RERE: variants seen among roughly 807,000 people sequenced by gnomAD.
RERE encodes arginine-glutamic acid dipeptide repeats, also known as arginine-glutamic acid dipeptide repeats protein.
A neutral mutation model predicts 146.1 loss-of-function variants in RERE; 40 were observed. The ratio of observed to expected loss-of-function variants is 0.27; its 90% CI spans 0.21 to 0.36. RERE has a LOEUF of 0.36. Among genes scored for constraint, RERE ranks in the 10% least tolerant of loss-of-function variants. RERE has a pLI of 1.00. For missense variants in RERE, 1,933 were observed against 2,138.7 expected (o/e 0.90, Z 1.90); for synonymous variants, 1,003 against 866.0 (o/e 1.16, Z -2.78).
In RERE at chr1:8,357,324, C is replaced by T. The variant is rs1641334042; in HGVS notation, c.4339+872G>A. 2.0e-5 allele frequency among the ~76,000 whole-genome samples: 3 copies of T among 152,266 alleles called. No homozygotes were observed. The East Asian group carries it at 5.8e-4, about 29-fold the overall frequency. On this transcript the variant is annotated intron_variant, in intron 20 of 22. Coordinates refer to ENST00000400908, the MANE Select transcript of RERE (RefSeq NM_001042681.2). Reference sequence around the variant, plus strand: ...AGGTCTACACCAGGTGCCAACAGAGCTTCAGATATGAGGACGGCAATGGTG... The same window carrying T: ...AGGTCTACACCAGGTGCCAACAGAGTTTCAGATATGAGGACGGCAATGGTG...
chr1:8,781,590 TG>T (rs1641166499), intron 1 of RERE, among the ~76,000 whole-genome samples: 1 of 151,674 alleles, frequency 6.6e-6, no homozygotes, highest in African/African-American at 2.4e-5. Flanking sequence ...TGAGTTACTT[TG>T]GGAAAGTTAT....
chr1:8,376,103 T>C (rs1004524056), intron 12 of RERE, among the ~76,000 whole-genome samples: 5 of 152,240 alleles, frequency 3.3e-5, no homozygotes, highest in African/African-American at 4.8e-5. Context: ...TAGACTCTGC[T>C]GTGCTGCTGC....
chr1:8,650,102 G>C (rs924383597), intron 2 of RERE, among the ~76,000 whole-genome samples: 1 of 152,120 alleles, frequency 6.6e-6, no homozygotes, highest in Non-Finnish European at 1.5e-5. Flanking sequence ...ATTATGCTGA[G>C]CTCCTAAGGA....
At chr1:8,503,139 G>A (rs2124277494) in intron 8 of RERE, among the ~76,000 whole-genome samples, 1 of 149,226 alleles carries the variant, frequency 6.7e-6, no homozygotes, top group African/African-American at 2.5e-5. Flanking sequence ...AAAAAGAATT[G>A]ATGAGTCAAC....
intron 7 of RERE, chr1:8,526,029 C>T (rs1044010719): frequency 2.7e-5 from 34 of 1,254,700 alleles, no homozygotes; most frequent in South Asian, 1.9e-4. Context: ...CTCTCCACGA[C>T]GCAATCAATC....
At chr1:8,754,645 G>A (rs1263855220) in intron 1 of RERE, among the ~76,000 whole-genome samples, 1 of 152,170 alleles carries the variant, frequency 6.6e-6, no homozygotes, top group African/African-American at 2.4e-5. Flanking sequence ...CATGGGGAAA[G>A]AATCTATGGT....
rs182776494 is a variant in RERE at position 8,465,885 on chromosome 1, G to A, written c.1203+40C>T. ...TCACACACTGAGACGCCGGTGGCCC[G>A]ATGCCCCAGAGCACAAGGCAAATGC... On this transcript the variant is annotated intron_variant, in intron 11 of 22. Transcript: ENST00000400908. The A allele has an allele frequency of 1.5e-4, 227 of 1,561,042 alleles. No individual in the cohort carries two copies. In the East Asian group the frequency reaches 3.4e-3, roughly 23 times the overall value.
chr1:8,561,553 CT>C (rs537809986), intron 4 of RERE, among the ~76,000 whole-genome samples: 50 of 152,342 alleles, frequency 3.3e-4, no homozygotes, highest in African/African-American at 1.2e-3. Context: ...TCTATGCTCT[CT>C]TTCCATTCTT....
chr1:8,399,087 G>C (rs368699973), intron 12 of RERE, among the ~76,000 whole-genome samples: 1 of 151,376 alleles, frequency 6.6e-6, no homozygotes, highest in African/African-American at 2.4e-5. Flanking sequence ...TGAACTGCTT[G>C]TGTCTATTAT....
At chr1:8,743,963 G>T (rs1241046534) in intron 1 of RERE, among the ~76,000 whole-genome samples, 1 of 152,132 alleles carries the variant, frequency 6.6e-6, no homozygotes, top group Non-Finnish European at 1.5e-5. Context: ...GAATATTTGG[G>T]TTTGTTTCAC....
At chr1:8,689,971 A>G (rs931417020) in intron 1 of RERE, among the ~76,000 whole-genome samples, 2 of 152,180 alleles carry the variant, frequency 1.3e-5, no homozygotes, top group African/African-American at 4.8e-5. Context: ...CAGTAGGTCT[A>G]AAGTCTTCTG....
intron 4 of RERE, among the ~76,000 whole-genome samples, chr1:8,579,405 G>GCTCTACCTA (rs1164158339): frequency 6.6e-6 from 1 of 152,196 alleles, no homozygotes; most frequent in Non-Finnish European, 1.5e-5. Flanking sequence ...AGAGGGAATT[G>GCTCTACCTA]TAGGAAATCA....
intron 1 of RERE, among the ~76,000 whole-genome samples, chr1:8,727,624 A>C (rs1295206222): frequency 6.6e-6 from 1 of 151,402 alleles, no homozygotes; most frequent in South Asian, 2.1e-4. Context: ...CTCCCAAGTA[A>C]CTGGGACTAC....
At chr1:8,453,148 A>G (rs2124078786) in intron 11 of RERE, among the ~76,000 whole-genome samples, 1 of 152,354 alleles carries the variant, frequency 6.6e-6, no homozygotes, top group Middle Eastern at 3.4e-3. Context: ...CAAGCTACCA[A>G]GGTCAGATTG....
chr1:8,691,226 G>A (rs1639200373), intron 1 of RERE, among the ~76,000 whole-genome samples: 1 of 152,100 alleles, frequency 6.6e-6, no homozygotes, highest in African/African-American at 2.4e-5. Flanking sequence ...ATGGCTCAAA[G>A]GAAACTTGAT....
intron 1 of RERE, among the ~76,000 whole-genome samples, chr1:8,812,258 A>T (rs770781934): frequency 1.3e-5 from 2 of 152,198 alleles, no homozygotes; most frequent in Non-Finnish European, 2.9e-5. Context: ...TGGTTTATGA[A>T]TTAGAGGCCA....
intron 2 of RERE, among the ~76,000 whole-genome samples, chr1:8,642,686 T>A (rs1254487532): frequency 6.6e-6 from 1 of 152,240 alleles, no homozygotes; most frequent in Admixed American, 6.5e-5. Context: ...CTGAATTTTT[T>A]AAAAAGTGTA....
chr1:8,559,299 A>AAAAAAAAAAAAAAAAAAAAAAAAAC (rs1646047893), intron 4 of RERE, among the ~76,000 whole-genome samples: 1 of 145,494 alleles, frequency 6.9e-6, no homozygotes, highest in East Asian at 2.1e-4. Context: ...AAAAAAAAAA[A>AAAAAAAAAAAAAAAAAAAAAAAAAC]AAAAACAGAA....
At position 8,738,841 on chromosome 1, in the gene RERE, C is replaced by T. The variant is rs552655501; in HGVS notation, c.-145+78319G>A. ...CAGGACTCTATCCTGACCATACTGT[C>T]ATCTTGTTCCTCACACTCTTCCTGG... On this transcript the variant is annotated intron_variant, in intron 1 of 22. Coordinates refer to ENST00000400908, the MANE Select transcript of RERE (RefSeq NM_001042681.2). Among the ~76,000 whole-genome samples the T allele has an allele frequency of 2.0e-5, 3 of 152,296 alleles. No homozygotes were observed. In the East Asian group the frequency reaches 5.8e-4, roughly 29 times the overall value.
Sources: allele counts gnomAD v4.1 joint callset (sites outside exome capture counted in the v4.1 genomes callset), GRCh38; gene constraint gnomAD v4.1.1; transcripts MANE v1.5; gene names NCBI Gene and HGNC (gene_info 2026-07-23, HGNC 2026-07-21).